Variants in CHERP observed in about 807,000 individuals in gnomAD.
CHERP encodes the protein calcium homeostasis endoplasmic reticulum protein.
A neutral mutation model predicts 113.8 loss-of-function variants in CHERP; 8 were observed. The observed-to-expected ratio is 0.07, with a 90% CI of 0.04 to 0.13. The LOEUF (loss-of-function observed/expected upper bound fraction) is 0.13. Ranked by LOEUF, CHERP falls within the 10% of genes least tolerant of loss-of-function variation. The pLI is 1.00. For synonymous variants in CHERP, 559 were observed against 524.5 expected, an observed-to-expected ratio of 1.07 and a Z score of -0.90; for missense variants, 884 against 1,298.2, an observed-to-expected ratio of 0.68 and a Z score of 4.90.
At chr19:16,536,473 G>C (rs1052484519) in intron 2 of CHERP, among the ~76,000 whole-genome samples, 1 of 152,146 alleles carries the variant, frequency 6.6e-6, no homozygotes, top group Non-Finnish European at 1.5e-5. Flanking sequence ...AAGGGGACCA[G>C]GACAAAGCCA....
At chr19:16,528,059 A>AAGTGTG in intron 9 of CHERP, 21 bp downstream of exon 9, 1 of 1,610,924 alleles carries the variant, frequency 6.2e-7, no homozygotes, top group Non-Finnish European at 8.5e-7. Context: ...ATCTGCTCCC[A>AAGTGTG]CCCCAGGTTC....
intron 11 of CHERP, 130 bp from the exon 12 acceptor site, chr19:16,521,784 C>G (rs2085617820): frequency 5.1e-6 from 4 of 791,340 alleles, no homozygotes; most frequent in Non-Finnish European, 7.3e-6. Flanking sequence ...ACCAGAGCTC[C>G]TCATGCTTCC....
rs2085732792 is a variant in CHERP, at chr19:16,535,196, G to A, written c.384+256C>T. ...TTAGGGAGCTTCAAGGTGCATACGT[G>A]CCCCACAGTCCCACTCAGGGGGGTC... On this transcript the variant is annotated intron_variant, in intron 3 of 16. Transcript: ENST00000546361. This position sits in a 1 kb window ranked among gnomAD's most constrained non-coding sequence, Gnocchi z 4.3. Among the ~76,000 whole-genome samples the A allele has an allele frequency of 6.6e-6, 1 of 152,234 alleles. No homozygotes were observed. Among genetic ancestry groups the A allele is most frequent in the Non-Finnish European group, 1.5e-5 (1 of 68,028 alleles).
chr19:16,541,898 C>G lies in CHERP; in HGVS notation c.171G>C (p.Lys57Asn). Residue 57 changes from lysine (K) to asparagine (N), a missense_variant, in exon 2 of 17, where the codon AAG becomes AAC. This residue lies in a region of CHERP where 109 missense variants were observed against 134.2 expected (regional missense o/e 0.81). Coordinates refer to ENST00000546361, the MANE Select transcript of CHERP (RefSeq NM_006387.6). ...GCTGCTGCTCCAGCGCCAGCTTGCACTTGTAGTAACTGTAGAATTCGCCTC... is the reference window on the plus strand; with the variant it reads ...GCTGCTGCTCCAGCGCCAGCTTGCAGTTGTAGTAACTGTAGAATTCGCCTC... ...LFGGEFYSYYKCKLALEQQQL... is the reference protein window; with the variant it reads ...LFGGEFYSYYNCKLALEQQQL... 1.2e-6 allele frequency: 2 copies of G among 1,613,564 alleles called. No individual in the cohort carries two copies. Among genetic ancestry groups the G allele is most frequent in the Non-Finnish European group, 1.7e-6 (2 of 1,179,912 alleles).
chr19:16,529,673 A>C lies in CHERP; in HGVS notation c.1104T>G (p.Pro368=). 6.4e-7 allele frequency: 1 copy of C among 1,555,008 alleles called. No individual in the cohort carries two copies. The change falls in exon 8 of 17, where the codon CCT becomes CCG. Residue 368 remains proline, a synonymous_variant. Transcript: ENST00000546361. The part of the protein sequence containing the change: ...PAPPPAPAPA[P]AIPPTTQPDD... ...CAGGCTGGGTGGTGGGCGGGATGGCAGGGGCAGGTGCTGGGGCCGGGGGTG... is the reference window on the plus strand; with the variant it reads ...CAGGCTGGGTGGTGGGCGGGATGGCCGGGGCAGGTGCTGGGGCCGGGGGTG...
chr19:16,518,013 C>G lies in CHERP; in HGVS notation c.*1146G>C, dbSNP rs2085561238. The G allele has an allele frequency of 6.6e-6, 1 of 152,214 alleles. No homozygotes were observed. 9.4% of individuals were successfully genotyped at this position (152,214 alleles called of 1,614,324 possible). On this transcript the variant is annotated 3_prime_UTR_variant, in exon 17 of 17. Coordinates refer to ENST00000546361, the MANE Select transcript of CHERP (RefSeq NM_006387.6). ...TTAACAATTCACAGCTACAGGAAAT[C>G]TAGAACAAAATCAAATATTCATCAC...
Position 16,525,091 on chromosome 19 carries a change from C to T in CHERP, c.1741+151G>A, listed in dbSNP as rs529651967. 12 of 733,492 alleles carry T rather than the reference C, an allele frequency of 1.6e-5. No homozygotes were observed. The African/African-American group carries it at 1.7e-4, about 10-fold the overall frequency. The allele number at this position is 733,492 out of a possible 1,614,324, so 45.4% of individuals were successfully genotyped here. A position where few individuals can be genotyped will look rare whatever the true frequency, so the allele number is the denominator to read the frequency against. On this transcript the variant is annotated intron_variant, in intron 10 of 16. Transcript: ENST00000546361. This position sits in a 1 kb window ranked among gnomAD's most constrained non-coding sequence, Gnocchi z 6.5. Reference sequence around the variant, plus strand: ...AGTCTGTGCCCCCACTTCCTGAGAACCCAGGCCGGGCTCCTCGGACGTCCC... The same window carrying T: ...AGTCTGTGCCCCCACTTCCTGAGAATCCAGGCCGGGCTCCTCGGACGTCCC...
chr19:16,533,266 C>A, intron 3 of CHERP, 118 bp from the exon 4 acceptor site: 1 of 950,712 alleles, frequency 1.1e-6, no homozygotes, highest in Non-Finnish European at 1.6e-6. Context: ...GGACTCTGGG[C>A]TGCTCTGGCC....
In CHERP at chr19:16,525,142, C is replaced by G; in HGVS notation, c.1741+100G>C. 4 of 1,178,036 alleles carry G rather than the reference C, an allele frequency of 3.4e-6. No homozygotes were observed. The highest frequency in any genetic ancestry group is 4.5e-6 in the Non-Finnish European group (4 of 888,844). The allele number at this position is 1,178,036 out of a possible 1,614,324, so 73.0% of individuals were successfully genotyped here. A position where few individuals can be genotyped will look rare whatever the true frequency, so the allele number is the denominator to read the frequency against. On this transcript the variant is annotated intron_variant, in intron 10 of 16. Transcript: ENST00000546361. This position sits in a 1 kb window ranked among gnomAD's most constrained non-coding sequence, Gnocchi z 6.5. The stretch of plus-strand genomic sequence containing the variant: ...ATGACCCTGTGTCTGTCACTGTGCA[C>G]TCAGGAGCATGGCAGGGCCACAAGC...
At chr19:16,534,933 G>A (rs376832780) in intron 3 of CHERP, among the ~76,000 whole-genome samples, 2 of 152,226 alleles carry the variant, frequency 1.3e-5, no homozygotes, top group East Asian at 1.9e-4. Flanking sequence ...AAAATTAGCC[G>A]GGTGTGGTGG....
intron 10 of CHERP, among the ~76,000 whole-genome samples, chr19:16,524,335 AC>A (rs1175900007): frequency 6.6e-6 from 1 of 152,116 alleles, no homozygotes; most frequent in East Asian, 1.9e-4. Context: ...CGGGCGGATC[AC>A]CTGAGGTCAG....
rs998607912 is a variant in CHERP at position 16,519,438 on chromosome 19, G to C, written c.2558-86C>G. 2 of 1,425,828 alleles carry C rather than the reference G, an allele frequency of 1.4e-6. No individual in the cohort carries two copies. Among genetic ancestry groups the C allele is most frequent in the African/African-American group, 2.8e-5 (2 of 70,584 alleles). The allele number at this position is 1,425,828 out of a possible 1,614,324, so 88.3% of individuals were successfully genotyped here. ...GGGGCTGAATGTCCAGACAGGCAGT[G>C]TAGACATGGGAAATGGGTAGAGAGA... On this transcript the variant is annotated intron_variant, in intron 16 of 16. Coordinates refer to ENST00000546361, the MANE Select transcript of CHERP (RefSeq NM_006387.6). The surrounding 1 kb of genome is among the most constrained non-coding windows in gnomAD (Gnocchi z 6.0).
chr19:16,538,761 G>A (rs144101364), intron 2 of CHERP, among the ~76,000 whole-genome samples: 4 of 151,728 alleles, frequency 2.6e-5, no homozygotes, highest in African/African-American at 9.7e-5. Flanking sequence ...CCTCATAATG[G>A]CACCAGCTTC....
rs940766416 is a variant in CHERP at position 16,525,185 on chromosome 19, C to T, written c.1741+57G>A. Reference sequence around the variant, plus strand: ...CCACAAGCAGCGCCACCAGCCTGCTCGGCAGGCGAGCCGTGGATGCCTCCG... The same window carrying T: ...CCACAAGCAGCGCCACCAGCCTGCTTGGCAGGCGAGCCGTGGATGCCTCCG... On this transcript the variant is annotated intron_variant, in intron 10 of 16. Coordinates refer to ENST00000546361, the MANE Select transcript of CHERP (RefSeq NM_006387.6). The surrounding 1 kb of genome is among the most constrained non-coding windows in gnomAD (Gnocchi z 6.5). 50 of 1,367,564 alleles carry T rather than the reference C, an allele frequency of 3.7e-5. No homozygotes were observed. The Middle Eastern group carries it at 8.1e-4, about 22-fold the overall frequency. 84.7% of individuals were successfully genotyped at this position (1,367,564 alleles called of 1,614,324 possible). A position where few individuals can be genotyped will look rare whatever the true frequency, so the allele number is the denominator to read the frequency against.
intron 2 of CHERP, among the ~76,000 whole-genome samples, chr19:16,540,703 CT>C (rs1161941914): frequency 1.2e-3 from 174 of 140,950 alleles, no homozygotes; most frequent in Middle Eastern, 3.7e-3. Flanking sequence ...TTCTTTCTTT[CT>C]TTTTTTTTTT....
At position 16,524,548 on chromosome 19, in the gene CHERP, T is replaced by A. The variant is rs551040178; in HGVS notation, c.1741+694A>T. Among the ~76,000 whole-genome samples, 30 of 97,116 alleles carry A rather than the reference T, an allele frequency of 3.1e-4. 1 individual carries two copies. The South Asian group carries it at 7.4e-3, about 24-fold the overall frequency. The allele number at this position is 97,116 out of a possible 152,430, so 63.7% of individuals were successfully genotyped here. A position where few individuals can be genotyped will look rare whatever the true frequency, so the allele number is the denominator to read the frequency against. On this transcript the variant is annotated intron_variant, in intron 10 of 16. Transcript: ENST00000546361. ...TCCAGCCTGGGCAACAGGGTGAGAC[T>A]CTGTCTCAAAAAAAAAAAAAAGTAC...
At chr19:16,522,308 G>T (rs2085623813) in intron 11 of CHERP, among the ~76,000 whole-genome samples, 1 of 152,016 alleles carries the variant, frequency 6.6e-6, no homozygotes, top group African/African-American at 2.4e-5. Context: ...GCCCAGGCTG[G>T]AGTGTAGTGG....
chr19:16,532,927 C>T lies in CHERP; in HGVS notation c.522+84G>A, dbSNP rs931327210. ...AGGGAAGGGCACCCATTGTAACAGC[C>T]CTTAGCCCAGATTGGCTACGACAGG... On this transcript the variant is annotated intron_variant, in intron 4 of 16. Transcript: ENST00000546361. This position sits in a 1 kb window ranked among gnomAD's most constrained non-coding sequence, Gnocchi z 4.4. 17 of 1,532,960 alleles carry T rather than the reference C, an allele frequency of 1.1e-5. No homozygotes were observed. The African/African-American group carries it at 2.2e-4, about 20-fold the overall frequency. The allele number at this position is 1,532,960 out of a possible 1,614,324, so 95.0% of individuals were successfully genotyped here. A position where few individuals can be genotyped will look rare whatever the true frequency, so the allele number is the denominator to read the frequency against.
Position 16,523,752 on chromosome 19 carries a change from GA to G in CHERP, c.1742-463del. On this transcript the variant is annotated intron_variant, in intron 10 of 16. Transcript: ENST00000546361. The surrounding 1 kb of genome is among the most constrained non-coding windows in gnomAD (Gnocchi z 4.0). ...ATGTAGAGAGAAGACGGTCACCTAT[GA>G]GCCAAGGAGACAGGCCTCCAAGACA... Among the ~76,000 whole-genome samples the G allele has an allele frequency of 6.6e-6, 1 of 152,054 alleles. No homozygotes were observed. Among genetic ancestry groups the G allele is most frequent in the East Asian group, 1.9e-4 (1 of 5,160 alleles).
Sources: allele counts gnomAD v4.1 joint callset (sites outside exome capture counted in the v4.1 genomes callset), GRCh38; gene constraint gnomAD v4.1.1; regional missense constraint gnomAD v4.1.1; non-coding constraint Gnocchi (gnomAD v3.1); transcripts MANE v1.5; gene names NCBI Gene and HGNC (gene_info 2026-07-23, HGNC 2026-07-21).